Variants in PHRF1 observed in about 807,000 individuals in gnomAD.
The protein encoded by PHRF1 is PHD and RING finger domain-containing protein 1.
PHRF1 carries 53 observed loss-of-function variants against 128.9 expected under a neutral mutation model. The observed-to-expected ratio is 0.41, with a 90% CI of 0.33 to 0.52. The LOEUF is 0.52. PHRF1 is among the 20% of genes least tolerant of loss of function. PHRF1 has a pLI of 0.21. For synonymous variants in PHRF1, 1,178 were observed against 980.6 expected (o/e 1.20, Z -3.76); for missense variants, 2,503 against 2,284.5 (o/e 1.10, Z -1.95).
intron 4 of PHRF1, among the ~76,000 whole-genome samples, chr11:589,561 G>A (rs1854800067): frequency 9.0e-6 from 1 of 110,784 alleles, no homozygotes; most frequent in South Asian, 3.8e-4. Flanking sequence ...CTTAGAAGAG[G>A]CCTGGACACA....
Position 608,898 on chromosome 11 carries a change from A to G in PHRF1, c.3442A>G (p.Arg1148Gly), listed in dbSNP as rs751501058. ...QRERSHERPDRKESVAWPRDR... is the reference protein window; with the variant it reads ...QRERSHERPDGKESVAWPRDR... ...GGAACGCAGCCACGAGCGGCCAGAC[A>G]GGAAGGAGAGTGTGGCGTGGCCCCG... Residue 1148 changes from arginine (R) to glycine (G), a missense_variant, in exon 14 of 18, where the codon AGG becomes GGG. By Grantham distance (125) the Arg-to-Gly change is moderately radical. Coordinates refer to ENST00000264555, the MANE Select transcript of PHRF1 (RefSeq NM_001286581.2). 2 of 1,612,298 alleles carry G rather than the reference A, an allele frequency of 1.2e-6. No homozygotes were observed. Among genetic ancestry groups the G allele is most frequent in the Admixed American group, 3.3e-5 (2 of 60,018 alleles).
rs1450691168 is a variant in PHRF1 at position 597,404 on chromosome 11, C to G, written c.728C>G (p.Pro243Arg). Residue 243 changes from proline to arginine, a missense_variant, in exon 8 of 18, where the codon CCC becomes CGC. By Grantham distance (103) the Pro-to-Arg change is moderately radical (BLOSUM62 -2). Coordinates refer to ENST00000264555, the MANE Select transcript of PHRF1 (RefSeq NM_001286581.2). The surrounding 1 kb of genome is among the most constrained non-coding windows in gnomAD (Gnocchi z 6.5). ...TGGTGGTTCTTCCCAGATGCGGGTC[C>G]CGTGAGTGAGGAGGAGGTCTCCCTG... ...PGVVLAADAG[P>R]VSEEEVSLLL... The G allele has an allele frequency of 6.2e-7, 1 of 1,612,264 alleles. No individual in the cohort carries two copies. The highest frequency in any genetic ancestry group is 1.1e-5 in the South Asian group (1 of 90,832).
At position 608,425 on chromosome 11, in the gene PHRF1, C is replaced by T; in HGVS notation, c.2969C>T (p.Pro990Leu). 6.2e-7 allele frequency: 1 copy of T among 1,611,824 alleles called. No homozygotes were observed. The highest frequency in any genetic ancestry group is 8.5e-7 in the Non-Finnish European group (1 of 1,179,640). ...ATHRVVELRP[P>L]SRSRSTSSSR... The stretch of plus-strand genomic sequence containing the variant: ...CACAGAGTCGTGGAGCTCAGGCCCC[C>T]TTCCCGGTCCCGCTCCACATCCAGC... Residue 990 changes from proline (P) to leucine (L), a missense_variant, in exon 14 of 18, where the codon CCT (proline) becomes CTT (leucine). Transcript: ENST00000264555.
chr11:581,637 C>T (rs752076795), intron 2 of PHRF1, 31 bp downstream of exon 2: 15 of 1,579,920 alleles, frequency 9.5e-6, no homozygotes, highest in African/African-American at 1.3e-5. Context: ...TAGGGGCGTC[C>T]CCAGGAGGAG....
At chr11:580,367 C>A (rs929570982) in intron 1 of PHRF1, among the ~76,000 whole-genome samples, 1 of 152,204 alleles carries the variant, frequency 6.6e-6, no homozygotes, top group African/African-American at 2.4e-5. Flanking sequence ...TTCACAGTGA[C>A]CTTGCAGAGT....
intron 17 of PHRF1, among the ~76,000 whole-genome samples, chr11:611,335 A>C (rs1287034919): frequency 6.6e-6 from 1 of 152,174 alleles, no homozygotes; most frequent in African/African-American, 2.4e-5. Flanking sequence ...TACCCAGCCC[A>C]CGCCCAGCTT....
Position 596,900 on chromosome 11 carries a change from T to A in PHRF1, c.621-23T>A, listed in dbSNP as rs761681699. On this transcript the variant is annotated intron_variant, in intron 6 of 17. Coordinates refer to ENST00000264555, the MANE Select transcript of PHRF1 (RefSeq NM_001286581.2). The stretch of plus-strand genomic sequence containing the variant: ...AAAGCTGTGAGCAGCACCCGGATGC[T>A]TTGGCCCTGCTCTCTCCTGTAGGTA... The A allele has an allele frequency of 1.0e-5, 16 of 1,606,956 alleles. No individual in the cohort carries two copies. The Admixed American group carries it at 2.7e-4, about 27-fold the overall frequency.
chr11:583,270 C>G (rs185400383), intron 3 of PHRF1, among the ~76,000 whole-genome samples: 1 of 150,758 alleles, frequency 6.6e-6, no homozygotes, highest in African/African-American at 2.4e-5. Context: ...ACCCGGGAGT[C>G]GGAGGTTGCA....
At chr11:585,280 C>T (rs113207624) in intron 3 of PHRF1, among the ~76,000 whole-genome samples, 1,577 of 119,316 alleles carry the variant, frequency 0.013, 13 homozygotes, top group African/African-American at 0.044. Context: ...AGGTAGTAGC[C>T]CTTTCCAGCT....
At chr11:581,383 C>T (rs536499836) in intron 1 of PHRF1, 109 bp from the exon 2 acceptor site, 12 of 832,554 alleles carry the variant, frequency 1.4e-5, no homozygotes, top group South Asian at 3.4e-5. Flanking sequence ...CGTGCTGTGG[C>T]GGTGGATGTG....
At chr11:591,362 A>T (rs747324460) in intron 4 of PHRF1, 22 bp from the exon 5 acceptor site, 1 of 1,583,298 alleles carries the variant, frequency 6.3e-7, no homozygotes, top group South Asian at 1.1e-5. Context: ...CAAGATTCTG[A>T]TCCTGTTTTT....
intron 1 of PHRF1, among the ~76,000 whole-genome samples, chr11:579,745 A>G (rs1402437271): frequency 2.6e-5 from 4 of 152,226 alleles, no homozygotes; most frequent in Non-Finnish European, 5.9e-5. Flanking sequence ...TAATTTGGCA[A>G]AACTACTTCT....
chr11:594,624 G>C (rs1356375323), intron 6 of PHRF1, among the ~76,000 whole-genome samples: 2 of 152,088 alleles, frequency 1.3e-5, no homozygotes, highest in South Asian at 4.1e-4. Context: ...ACCACACCTG[G>C]CTAATTTTTG....
intron 1 of PHRF1, among the ~76,000 whole-genome samples, chr11:580,254 C>T (rs1002677456): frequency 6.6e-6 from 1 of 152,206 alleles, no homozygotes; most frequent in African/African-American, 2.4e-5. Flanking sequence ...ACCACGTGCA[C>T]GTATCTCCTT....
Position 608,960 on chromosome 11 carries a change from G to A in PHRF1, c.3504G>A (p.Ser1168=), listed in dbSNP as rs766250312. 3.0e-5 allele frequency: 49 copies of A among 1,610,022 alleles called. No individual in the cohort carries two copies. The highest frequency in any genetic ancestry group is 1.6e-4 in the Middle Eastern group (1 of 6,076). The change falls in exon 14 of 18, where the codon TCG becomes TCA. Residue 1168 remains serine (S), a synonymous_variant. Transcript: ENST00000264555. ...AGCGGAGGTCCCGGTCCCCAAGCTC[G>A]GAGCACAGGGCACGGGAGCACAGGC... The part of the protein sequence containing the change: ...RRKRRSRSPS[S]EHRAREHRRP...
rs375663325 is a variant in PHRF1, at chr11:611,611, G to A, written c.4807-23G>A. ...AACATCTGGATGTGAAAGGGCATTT[G>A]GTGATTGCACCTCTTTCTCCAGATC... On this transcript the variant is annotated intron_variant, in intron 17 of 17. Coordinates refer to ENST00000264555, the MANE Select transcript of PHRF1 (RefSeq NM_001286581.2). The A allele has an allele frequency of 1.4e-5, 23 of 1,612,718 alleles. No homozygotes were observed. The African/African-American group carries it at 2.8e-4, about 20-fold the overall frequency.
At position 592,604 on chromosome 11, in the gene PHRF1, A is replaced by C; in HGVS notation, c.550A>C (p.Thr184Pro). 1 of 1,614,024 alleles carries C rather than the reference A, an allele frequency of 6.2e-7. No individual in the cohort carries two copies. Among genetic ancestry groups the C allele is most frequent in the Non-Finnish European group, 8.5e-7 (1 of 1,179,896 alleles). ...TKASEEEEDP[T>P]FCEVCGRSDR... The stretch of plus-strand genomic sequence containing the variant: ...AGCGAGCGAGGAGGAGGAGGACCCG[A>C]CCTTCTGTGAGGTGTGCGGCAGGAG... The change falls in exon 6 of 18, where the codon ACC (threonine) becomes CCC (proline). Residue 184 changes from threonine (T) to proline (P), a missense_variant. Transcript: ENST00000264555.
intron 1 of PHRF1, 107 bp from the exon 2 acceptor site, chr11:581,385 G>A: frequency 1.2e-6 from 1 of 862,768 alleles, no homozygotes; most frequent in African/African-American, 1.7e-5. Context: ...TGCTGTGGCG[G>A]TGGATGTGAC....
At position 605,657 on chromosome 11, in the gene PHRF1, G is replaced by A. The variant is rs774087958; in HGVS notation, c.1387G>A (p.Ala463Thr). 1.9e-6 allele frequency: 3 copies of A among 1,613,620 alleles called. No individual in the cohort carries two copies. The highest frequency in any genetic ancestry group is 2.5e-6 in the Non-Finnish European group (3 of 1,179,888). ...PLSPLSAKRR[A>T]LSRSALQSHQ... ...TTCCCCTCTGAGTGCCAAGAGACGG[G>A]CTCTGTCCCGGTCAGCCCTGCAGTC... is the stretch of plus-strand genomic sequence containing the variant. Residue 463 changes from alanine to threonine, a missense_variant, in exon 12 of 18, where the codon GCT (alanine) becomes ACT (threonine). Ala to Thr is a moderately conservative substitution (Grantham distance 58). Coordinates refer to ENST00000264555, the MANE Select transcript of PHRF1 (RefSeq NM_001286581.2).
Sources: allele counts gnomAD v4.1 joint callset (sites outside exome capture counted in the v4.1 genomes callset), GRCh38; gene constraint gnomAD v4.1.1; non-coding constraint Gnocchi (gnomAD v3.1); transcripts MANE v1.5; gene names NCBI Gene and HGNC (gene_info 2026-07-23, HGNC 2026-07-21).